Variants in ATXN10 observed in about 807,000 individuals in gnomAD.
ATXN10 encodes the protein ataxin-10.
In ATXN10, 28 loss-of-function variants were observed where a neutral mutation model predicts 52.9. That is an observed-to-expected ratio of 0.53 (90% CI 0.39 to 0.73). The LOEUF is 0.73. ATXN10 is among the 30% of genes least tolerant of loss of function. ATXN10 has a pLI of 0.00. For missense variants in ATXN10, 565 were observed against 577.0 expected, an observed-to-expected ratio of 0.98 and a Z score of 0.21; for synonymous variants, 226 against 221.5, an observed-to-expected ratio of 1.02 and a Z score of -0.18.
At chr22:45,794,387 A>G (rs1464268344) in intron 9 of ATXN10, among the ~76,000 whole-genome samples, 1 of 148,234 alleles carries the variant, frequency 6.7e-6, no homozygotes, top group Non-Finnish European at 1.5e-5. Flanking sequence ...AATTGTTCAT[A>G]TTTTAATATT....
At chr22:45,793,704 C>A (rs755689909) in intron 9 of ATXN10, 18 of 1,481,356 alleles carry the variant, frequency 1.2e-5, no homozygotes, top group Non-Finnish European at 1.6e-5. Context: ...CAGCTCCATG[C>A]TGAGGCCCTC....
chr22:45,770,951 T>A lies in ATXN10; in HGVS notation c.1173+30413T>A, dbSNP rs1420597837. On this transcript the variant is annotated intron_variant, in intron 9 of 11. Coordinates refer to ENST00000252934, the MANE Select transcript of ATXN10 (RefSeq NM_013236.4). This position sits in a 1 kb window ranked among gnomAD's most constrained non-coding sequence, Gnocchi z 4.5. The stretch of plus-strand genomic sequence containing the variant: ...TCTCAGAGAGAAGAACCCAGATCCA[T>A]CCTGGGAGCACTCGAGGCCAGCCCT... Among the ~76,000 whole-genome samples, 1 of 152,170 alleles carries A rather than the reference T, an allele frequency of 6.6e-6. No homozygotes were observed. Among genetic ancestry groups the A allele is most frequent in the Admixed American group, 6.5e-5 (1 of 15,280 alleles).
intron 9 of ATXN10, among the ~76,000 whole-genome samples, chr22:45,753,793 A>G (rs1202813355): frequency 6.6e-6 from 1 of 152,094 alleles, no homozygotes; most frequent in Non-Finnish European, 1.5e-5. Context: ...TGCCTGTGAT[A>G]ATGGTCTTCC....
At position 45,712,098 on chromosome 22, in the gene ATXN10, A is replaced by T. The variant is rs1924272005; in HGVS notation, c.648-6315A>T. ...ATAACCAGATGGATGTTTTTGAGGCATGCAAGTGGCTCTTTTTGGGTCACA... is the reference window on the plus strand; with the variant it reads ...ATAACCAGATGGATGTTTTTGAGGCTTGCAAGTGGCTCTTTTTGGGTCACA... On this transcript the variant is annotated intron_variant, in intron 5 of 11. Transcript: ENST00000252934. The surrounding 1 kb of genome is among the most constrained non-coding windows in gnomAD (Gnocchi z 4.6). Among the ~76,000 whole-genome samples, 1 of 152,218 alleles carries T rather than the reference A, an allele frequency of 6.6e-6. No homozygotes were observed. The highest frequency in any genetic ancestry group is 2.1e-4 in the South Asian group (1 of 4,834).
At position 45,835,601 on chromosome 22, in the gene ATXN10, T is replaced by A. The variant is rs1194309990; in HGVS notation, c.1238-7390T>A. 6.6e-6 allele frequency among the ~76,000 whole-genome samples: 1 copy of A among 152,258 alleles called. No homozygotes were observed. The highest frequency in any genetic ancestry group is 6.5e-5 in the Admixed American group (1 of 15,288). ...CTCTAGTGGACAGAGGTGTGAAATG[T>A]AGTTCTGTCAAACTCAGCAGTGTTT... is the stretch of plus-strand genomic sequence containing the variant. On this transcript the variant is annotated intron_variant, in intron 10 of 11. Transcript: ENST00000252934. This position sits in a 1 kb window ranked among gnomAD's most constrained non-coding sequence, Gnocchi z 5.0.
rs1410736630 is a variant in ATXN10 at position 45,728,482 on chromosome 22, A to G, written c.729-943A>G. Among the ~76,000 whole-genome samples, 2 of 152,184 alleles carry G rather than the reference A, an allele frequency of 1.3e-5. No homozygotes were observed. The highest frequency in any genetic ancestry group is 2.4e-5 in the African/African-American group (1 of 41,452). ...GGCCACAGTACAGGAAGCGTTTGCT[A>G]TAGTTTTATTTCTTACTTGAAGCAG... is the stretch of plus-strand genomic sequence containing the variant. On this transcript the variant is annotated intron_variant, in intron 6 of 11. Transcript: ENST00000252934. The surrounding 1 kb of genome is among the most constrained non-coding windows in gnomAD (Gnocchi z 4.3).
chr22:45,716,544 T>C (rs1924454728), intron 5 of ATXN10, among the ~76,000 whole-genome samples: 1 of 151,986 alleles, frequency 6.6e-6, no homozygotes, highest in Non-Finnish European at 1.5e-5. Flanking sequence ...TTCACTATGC[T>C]GTGTTGGCCA....
chr22:45,812,450 G>T (rs539103174), intron 10 of ATXN10, among the ~76,000 whole-genome samples: 1 of 152,172 alleles, frequency 6.6e-6, no homozygotes, highest in Non-Finnish European at 1.5e-5. Flanking sequence ...GTATGTGTGC[G>T]TGTGCATGTG....
At chr22:45,815,464 C>T (rs187952949) in intron 10 of ATXN10, among the ~76,000 whole-genome samples, 2 of 152,266 alleles carry the variant, frequency 1.3e-5, no homozygotes, top group Admixed American at 6.5e-5. Context: ...CTGCTGCACT[C>T]GTATTAAAAT....
intron 9 of ATXN10, among the ~76,000 whole-genome samples, chr22:45,743,952 A>G (rs909473563): frequency 2.6e-5 from 4 of 152,104 alleles, no homozygotes; most frequent in African/African-American, 9.7e-5. Context: ...AAGGGTTTAA[A>G]ATAGACTTCC....
At chr22:45,713,583 C>A (rs1924334786) in intron 5 of ATXN10, among the ~76,000 whole-genome samples, 1 of 152,182 alleles carries the variant, frequency 6.6e-6, no homozygotes, top group South Asian at 2.1e-4. Flanking sequence ...TACTGTCACT[C>A]TTTAGCAGAA....
intron 1 of ATXN10, chr22:45,674,928 G>C (rs11912172): frequency 6.6e-6 from 1 of 152,292 alleles, no homozygotes; most frequent in African/African-American, 2.4e-5. Flanking sequence ...CATGCAGTGG[G>C]AAGAGCAGTG....
At position 45,671,911 on chromosome 22, in the gene ATXN10, G is replaced by A. The variant is rs1922453067; in HGVS notation, c.-153G>A. ...GGCGGCGGCGCAGCTTCAGGGCAGC[G>A]CGGGCTGCAGCGGCGGCGGCGGTTA... On this transcript the variant is annotated 5_prime_UTR_variant, in exon 1 of 12. Transcript: ENST00000252934. 3 of 808,372 alleles carry A rather than the reference G, an allele frequency of 3.7e-6. No individual in the cohort carries two copies. Among genetic ancestry groups the A allele is most frequent in the Non-Finnish European group, 5.6e-6 (3 of 535,148 alleles). The allele number at this position is 808,372 out of a possible 1,614,324, so 50.1% of individuals were successfully genotyped here.
In ATXN10 at chr22:45,733,828, T is replaced by TC. The variant is rs1386091874; in HGVS notation, c.894+4240dup. Among the ~76,000 whole-genome samples, 4 of 151,882 alleles carry TC rather than the reference T, an allele frequency of 2.6e-5. No homozygotes were observed. The East Asian group carries it at 5.8e-4, about 22-fold the overall frequency. ...CATTTGTTTTCTATAGATCTGCATA[T>TC]CCTTTTTTTTTTGTTTTCTTTTCAA... On this transcript the variant is annotated intron_variant, in intron 7 of 11. Transcript: ENST00000252934. This position sits in a 1 kb window ranked among gnomAD's most constrained non-coding sequence, Gnocchi z 4.4.
rs1264216324 is a variant in ATXN10, at chr22:45,766,515, A to G, written c.1173+25977A>G. Among the ~76,000 whole-genome samples, 1 of 152,206 alleles carries G rather than the reference A, an allele frequency of 6.6e-6. No individual in the cohort carries two copies. Among genetic ancestry groups the G allele is most frequent in the Admixed American group, 6.5e-5 (1 of 15,280 alleles). ...ACTCCTCCTTTAGATAAAACTGGAT[A>G]CATCCCTTATAACATAGACATCAGT... On this transcript the variant is annotated intron_variant, in intron 9 of 11. Transcript: ENST00000252934. The surrounding 1 kb of genome is among the most constrained non-coding windows in gnomAD (Gnocchi z 4.6).
At position 45,833,848 on chromosome 22, in the gene ATXN10, A is replaced by G. The variant is rs554583969; in HGVS notation, c.1238-9143A>G. The stretch of plus-strand genomic sequence containing the variant: ...CTGGATGGACTGGTCGCGAGAGCAC[A>G]CTTAGCAGCGATACGGCATCGCGAT... On this transcript the variant is annotated intron_variant, in intron 10 of 11. Coordinates refer to ENST00000252934, the MANE Select transcript of ATXN10 (RefSeq NM_013236.4). This position sits in a 1 kb window ranked among gnomAD's most constrained non-coding sequence, Gnocchi z 4.3. Among the ~76,000 whole-genome samples, 1 of 152,292 alleles carries G rather than the reference A, an allele frequency of 6.6e-6. No individual in the cohort carries two copies. The highest frequency in any genetic ancestry group is 2.4e-5 in the African/African-American group (1 of 41,556).
intron 5 of ATXN10, among the ~76,000 whole-genome samples, chr22:45,714,535 C>T (rs540195603): frequency 3.3e-5 from 5 of 152,034 alleles, no homozygotes; most frequent in Admixed American, 6.5e-5. Context: ...TGCATACCAC[C>T]GCACCTGGCT....
chr22:45,785,986 C>CA (rs1361663475), intron 9 of ATXN10, among the ~76,000 whole-genome samples: 3 of 152,276 alleles, frequency 2.0e-5, no homozygotes, highest in East Asian at 1.9e-4. Context: ...ATTCATTCAC[C>CA]AAATTTTTTT....
intron 5 of ATXN10, chr22:45,703,854 G>C (rs182188119): frequency 6.6e-6 from 1 of 152,362 alleles, no homozygotes; most frequent in African/African-American, 2.4e-5. Flanking sequence ...ATTAGAACCT[G>C]TCCCATGACA....
Sources: gnomAD v4.1 joint callset for allele counts (sites outside exome capture counted in the v4.1 genomes callset) on GRCh38, gnomAD v4.1.1 for gene constraint, Gnocchi (gnomAD v3.1) non-coding constraint, MANE v1.5 for transcripts, NCBI Gene and HGNC (gene_info 2026-07-23, HGNC 2026-07-21) for gene names.